PCDHGA5: variants seen among roughly 807,000 people sequenced by gnomAD.
The protein encoded by PCDHGA5 is protocadherin gamma-A5.
PCDHGA5 carries 36 observed loss-of-function variants against 56.7 expected under a neutral mutation model. The observed-to-expected ratio is 0.64, with a 90% CI of 0.49 to 0.84. PCDHGA5 has a LOEUF of 0.84. Among genes scored for constraint, PCDHGA5 ranks in the 40% least tolerant of loss-of-function variants. The pLI is 0.00. For synonymous variants in PCDHGA5, 563 were observed against 520.2 expected (o/e 1.08, Z -1.12); for missense variants, 1,305 against 1,201.5 (o/e 1.09, Z -1.27).
intron 1 of PCDHGA5, chr5:141,388,395 C>A (rs1445370262): frequency 2.5e-6 from 4 of 1,613,810 alleles, no homozygotes; most frequent in African/African-American, 2.7e-5. Flanking sequence ...GCAGAATTAC[C>A]AACTCAGTCC....
chr5:141,370,496 C>T, intron 1 of PCDHGA5: 1 of 1,613,970 alleles, frequency 6.2e-7, no homozygotes, highest in Non-Finnish European at 8.5e-7. Flanking sequence ...AACCGATCCG[C>T]TACGCTATTC....
Position 141,454,796 on chromosome 5 carries a change from A to ATTTTTTTTTTTTT in PCDHGA5, c.2422-39994_2422-39982dup, listed in dbSNP as rs61612330. On this transcript the variant is annotated intron_variant, in intron 1 of 3. Coordinates refer to ENST00000518069, the MANE Select transcript of PCDHGA5 (RefSeq NM_018918.3). ...AAGGAAATAATCCTCCATGGTTCTAATTTTTTTTTTTTTTTTTTTTTTTTT... is the reference window on the plus strand; with the variant it reads ...AAGGAAATAATCCTCCATGGTTCTAATTTTTTTTTTTTTTTTTTTTTTTTTTTTTTTTTTTTTT... Among the ~76,000 whole-genome samples the ATTTTTTTTTTTTT allele has an allele frequency of 1.7e-3, 135 of 77,462 alleles. 8 individuals carry two copies. The highest frequency in any genetic ancestry group is 2.5e-3 in the Admixed American group (14 of 5,554). The allele number at this position is 77,462 out of a possible 152,430, so 50.8% of individuals were successfully genotyped here.
chr5:141,437,074 A>G (rs1455066447), intron 1 of PCDHGA5, among the ~76,000 whole-genome samples: 1 of 152,250 alleles, frequency 6.6e-6, no homozygotes, highest in Non-Finnish European at 1.5e-5. Flanking sequence ...GGTTTGGGCC[A>G]TATAAGAATT....
At chr5:141,398,568 G>A (rs761294182) in intron 1 of PCDHGA5, 5 of 1,614,014 alleles carry the variant, frequency 3.1e-6, no homozygotes, top group African/African-American at 1.3e-5. Flanking sequence ...AGTCTGCACA[G>A]CCTGGCACAA....
Position 141,491,902 on chromosome 5 carries a change from G to C in PCDHGA5, c.2422-2905G>C. On this transcript the variant is annotated intron_variant, in intron 1 of 3. Transcript: ENST00000518069. This position sits in a 1 kb window ranked among gnomAD's most constrained non-coding sequence, Gnocchi z 6.9. ...AGGGATGGGGCTCCGAGCACCGGGG[G>C]TGGTGGCGACTGTGGGCGAGGGGAG... 7.0e-7 allele frequency: 1 copy of C among 1,429,002 alleles called. No individual in the cohort carries two copies. Among genetic ancestry groups the C allele is most frequent in the Non-Finnish European group, 9.3e-7 (1 of 1,079,426 alleles). The allele number at this position is 1,429,002 out of a possible 1,614,324, so 88.5% of individuals were successfully genotyped here. A position where few individuals can be genotyped will look rare whatever the true frequency, so the allele number is the denominator to read the frequency against.
chr5:141,438,450 A>G (rs1017249043), intron 1 of PCDHGA5, among the ~76,000 whole-genome samples: 32 of 151,738 alleles, frequency 2.1e-4, no homozygotes, highest in African/African-American at 7.5e-4. Flanking sequence ...ACTCAATACA[A>G]TGCTTGAGTT....
At chr5:141,399,588 C>A (rs2093842272) in intron 1 of PCDHGA5, 1 of 1,613,894 alleles carries the variant, frequency 6.2e-7, no homozygotes, top group South Asian at 1.1e-5. Context: ...CCTACTCTAT[C>A]ATGGCCAGCG....
chr5:141,394,298 G>A (rs763864270), intron 1 of PCDHGA5: 1 of 1,613,840 alleles, frequency 6.2e-7, no homozygotes, highest in African/African-American at 1.3e-5. Context: ...CCGAGGACAC[G>A]CTGCAGGGGG....
intron 3 of PCDHGA5, among the ~76,000 whole-genome samples, chr5:141,505,926 G>A (rs114056147): frequency 0.012 from 1,893 of 152,254 alleles, 12 homozygotes; most frequent in Middle Eastern, 0.034. Context: ...TGGGCCTGGC[G>A]CTTGGAAGCC....
At chr5:141,460,465 AAAGG>A (rs2098989932) in intron 1 of PCDHGA5, among the ~76,000 whole-genome samples, 1 of 152,088 alleles carries the variant, frequency 6.6e-6, no homozygotes, top group Non-Finnish European at 1.5e-5. Context: ...ATTTTTTTCC[AAAGG>A]AATATCCAAT....
At chr5:141,412,922 A>G in intron 1 of PCDHGA5, 1 of 420,478 alleles carries the variant, frequency 2.4e-6, no homozygotes, top group Non-Finnish European at 4.2e-6. Flanking sequence ...ACTTGGGTGC[A>G]GTAACTTCTT....
intron 1 of PCDHGA5, chr5:141,492,073 G>C (rs2099736846): frequency 6.2e-6 from 3 of 480,898 alleles, no homozygotes; most frequent in Non-Finnish European, 1.1e-5. Flanking sequence ...CCTAGGCGCC[G>C]GCTCCGGCAC....
chr5:141,439,800 T>C (rs1393580217), intron 1 of PCDHGA5: 1 of 152,300 alleles, frequency 6.6e-6, no homozygotes, highest in Admixed American at 6.5e-5. Context: ...CAAGAAGAGT[T>C]TGAAAAGGGG....
rs368547508 is a variant in PCDHGA5, at chr5:141,366,079, A to G, written c.1749A>G (p.Glu583=). The G allele has an allele frequency of 1.2e-6, 2 of 1,614,220 alleles. No homozygotes were observed. Among genetic ancestry groups the G allele is most frequent in the East Asian group, 2.2e-5 (1 of 44,880 alleles). Residue 583 remains glutamate (E), a synonymous_variant, in exon 1 of 4, where the codon GAA becomes GAG. Coordinates refer to ENST00000518069, the MANE Select transcript of PCDHGA5 (RefSeq NM_018918.3). The stretch of plus-strand genomic sequence containing the variant: ...TGGAGCTGGCGCCTCGCTCCGCAGA[A>G]CCTGGCTACCTGGTGACCAAGGTGG... The part of the protein sequence containing the change: ...TGVELAPRSA[E]PGYLVTKVVA...
At chr5:141,470,469 A>T (rs1423801455) in intron 1 of PCDHGA5, among the ~76,000 whole-genome samples, 1 of 152,194 alleles carries the variant, frequency 6.6e-6, no homozygotes, top group Non-Finnish European at 1.5e-5. Context: ...ATTTTCTGAT[A>T]TTACTAACCC....
intron 1 of PCDHGA5, among the ~76,000 whole-genome samples, chr5:141,492,876 G>A (rs2099744774): frequency 6.6e-6 from 1 of 152,184 alleles, no homozygotes; most frequent in African/African-American, 2.4e-5. Context: ...TCAACCCCCA[G>A]AGATACAGGC....
In PCDHGA5 at chr5:141,390,041, C is replaced by A. The variant is rs373243233; in HGVS notation, c.2421+23290C>A. On this transcript the variant is annotated intron_variant, in intron 1 of 3. Coordinates refer to ENST00000518069, the MANE Select transcript of PCDHGA5 (RefSeq NM_018918.3). ...TGCGCCTGCGACGCTCCTCCAGCCC[C>A]GCCTCCTGGAGCTGCTTCCAGCCTG... is the stretch of plus-strand genomic sequence containing the variant. The A allele has an allele frequency of 3.7e-6, 6 of 1,613,940 alleles. No homozygotes were observed. In the African/African-American group the frequency reaches 8.0e-5, roughly 22 times the overall value.
intron 1 of PCDHGA5, chr5:141,415,978 C>A: frequency 5.7e-6 from 2 of 353,430 alleles, no homozygotes; most frequent in Non-Finnish European, 9.4e-6. Flanking sequence ...CTTAAGCAAC[C>A]CTCTTGTTCT....
chr5:141,459,843 T>C (rs1328781794), intron 1 of PCDHGA5, among the ~76,000 whole-genome samples: 1 of 152,228 alleles, frequency 6.6e-6, no homozygotes, highest in African/African-American at 2.4e-5. Context: ...TGTCTATTTG[T>C]ATATCTTCTT....
Sources: gnomAD v4.1 joint callset for allele counts (sites outside exome capture counted in the v4.1 genomes callset) on GRCh38, gnomAD v4.1.1 for gene constraint, Gnocchi (gnomAD v3.1) non-coding constraint, MANE v1.5 for transcripts, NCBI Gene and HGNC (gene_info 2026-07-23, HGNC 2026-07-21) for gene names.